ROBO2: variants seen among roughly 807,000 people sequenced by gnomAD.
ROBO2 encodes roundabout homolog 2.
Under a neutral mutation model 160.8 loss-of-function variants are expected in ROBO2, and 53 were observed. That is an observed-to-expected ratio of 0.33 (90% CI 0.26 to 0.41). ROBO2 has a LOEUF of 0.41. Among genes scored for constraint, ROBO2 ranks in the 10% least tolerant of loss-of-function variants. The pLI, the probability that ROBO2 is intolerant of heterozygous loss-of-function variation, is 1.00. For synonymous variants in ROBO2, 664 were observed against 611.7 expected, an observed-to-expected ratio of 1.09 and a Z score of -1.26; for missense variants, 1,577 against 1,722.4, an observed-to-expected ratio of 0.92 and a Z score of 1.49.
At chr3:76,197,192 C>T (rs974684222) in intron 2 of ROBO2, among the ~76,000 whole-genome samples, 1 of 145,610 alleles carries the variant, frequency 6.9e-6, no homozygotes, top group Admixed American at 6.8e-5. Context: ...GCTAATCGGT[C>T]TCTCTATAGA....
At chr3:77,000,689 A>G (rs539817591) in intron 2 of ROBO2, among the ~76,000 whole-genome samples, 69 of 152,302 alleles carry the variant, frequency 4.5e-4, no homozygotes, top group African/African-American at 1.6e-3. Context: ...CTTTGAATCT[A>G]GCAAGTACTT....
chr3:76,536,950 G>T (rs369248288), intron 2 of ROBO2, among the ~76,000 whole-genome samples: 5 of 152,196 alleles, frequency 3.3e-5, no homozygotes, highest in South Asian at 4.1e-4. Context: ...TTGGGCAGGT[G>T]GGGGAGAGCT....
chr3:76,426,747 A>G (rs1223111425), intron 2 of ROBO2, among the ~76,000 whole-genome samples: 1 of 152,106 alleles, frequency 6.6e-6, no homozygotes, highest in Non-Finnish European at 1.5e-5. Flanking sequence ...TAGATTTCAA[A>G]GAAAGGGAAA....
At chr3:76,357,520 A>G (rs1398718401) in intron 2 of ROBO2, among the ~76,000 whole-genome samples, 2 of 152,000 alleles carry the variant, frequency 1.3e-5, no homozygotes, top group African/African-American at 4.8e-5. Context: ...AATCTCAACA[A>G]TGAATTCCTT....
At chr3:77,206,063 G>A (rs941483299) in intron 2 of ROBO2, among the ~76,000 whole-genome samples, 10 of 151,932 alleles carry the variant, frequency 6.6e-5, no homozygotes, top group African/African-American at 2.2e-4. Context: ...TCCTTGGTTG[G>A]GCTGCGTAAC....
At chr3:76,576,120 C>T (rs1578260294) in intron 2 of ROBO2, among the ~76,000 whole-genome samples, 1 of 151,904 alleles carries the variant, frequency 6.6e-6, no homozygotes, top group Non-Finnish European at 1.5e-5. Flanking sequence ...CCATGTTTGG[C>T]ATATGTTTAA....
intron 2 of ROBO2, among the ~76,000 whole-genome samples, chr3:76,796,074 AT>A (rs1342098130): frequency 6.6e-6 from 1 of 152,140 alleles, no homozygotes; most frequent in Non-Finnish European, 1.5e-5. Flanking sequence ...AGTTTAAAAT[AT>A]TCAGTAAACC....
chr3:77,160,262 A>C (rs1579496252), intron 2 of ROBO2, among the ~76,000 whole-genome samples: 1 of 152,196 alleles, frequency 6.6e-6, no homozygotes, highest in East Asian at 1.9e-4. Flanking sequence ...AATACTTTAC[A>C]TATGGTAGCA....
At chr3:76,680,964 A>G (rs961645010) in intron 2 of ROBO2, among the ~76,000 whole-genome samples, 2 of 151,926 alleles carry the variant, frequency 1.3e-5, no homozygotes, top group African/African-American at 4.8e-5. Context: ...TTTAGTAGAG[A>G]CAGGGTTTCA....
intron 2 of ROBO2, among the ~76,000 whole-genome samples, chr3:76,493,796 C>T (rs2107558451): frequency 6.6e-6 from 1 of 152,226 alleles, no homozygotes. Flanking sequence ...AATGCATCTC[C>T]CCTTTCTTCT....
chr3:77,565,837 A>T (rs2093464442), intron 12 of ROBO2, among the ~76,000 whole-genome samples: 1 of 152,098 alleles, frequency 6.6e-6, no homozygotes, highest in Non-Finnish European at 1.5e-5. Context: ...AAAATGGAAG[A>T]TTTCATAATT....
chr3:77,188,115 G>A (rs2081445020), intron 2 of ROBO2, among the ~76,000 whole-genome samples: 1 of 146,470 alleles, frequency 6.8e-6, no homozygotes, highest in South Asian at 2.1e-4. Context: ...AATTATCTTT[G>A]ATATTATGTG....
chr3:76,996,282 G>C (rs934609496), intron 2 of ROBO2, among the ~76,000 whole-genome samples: 1 of 152,132 alleles, frequency 6.6e-6, no homozygotes, highest in South Asian at 2.1e-4. Flanking sequence ...CATTATTTCT[G>C]AGGGCTCTGT....
chr3:76,235,789 T>C (rs1056024279), intron 2 of ROBO2, among the ~76,000 whole-genome samples: 2 of 152,178 alleles, frequency 1.3e-5, no homozygotes, highest in Admixed American at 1.3e-4. Context: ...AATTGCATTG[T>C]GGGTTTTAAA....
intron 2 of ROBO2, among the ~76,000 whole-genome samples, chr3:76,788,382 T>G (rs529237790): frequency 6.6e-6 from 1 of 151,572 alleles, no homozygotes; most frequent in South Asian, 2.1e-4. Context: ...CTATAGTGTT[T>G]ATAGTTCTTT....
intron 2 of ROBO2, among the ~76,000 whole-genome samples, chr3:77,160,393 G>A (rs919637434): frequency 6.6e-6 from 1 of 152,218 alleles, no homozygotes; most frequent in African/African-American, 2.4e-5. Flanking sequence ...TGGTGATGAT[G>A]TATTTGTAGA....
chr3:77,526,219 A>G (rs1406352048), intron 6 of ROBO2, among the ~76,000 whole-genome samples: 1 of 151,496 alleles, frequency 6.6e-6, no homozygotes, highest in Non-Finnish European at 1.5e-5. Context: ...ATTGTGAATA[A>G]TATTATAAGA....
chr3:77,270,352 T>C (rs2059408630), intron 2 of ROBO2, among the ~76,000 whole-genome samples: 1 of 152,230 alleles, frequency 6.6e-6, no homozygotes, highest in African/African-American at 2.4e-5. Flanking sequence ...AAACTCTGTG[T>C]ATATACATTC....
At chr3:76,677,957 G>GTTTTTTTTTT (rs1337363967) in intron 2 of ROBO2, among the ~76,000 whole-genome samples, 2 of 46,088 alleles carry the variant, frequency 4.3e-5, no homozygotes, top group Admixed American at 2.3e-4. Context: ...AAGAAAATAT[G>GTTTTTTTTTT]CTTTTTTTTT....
Sources: allele counts gnomAD v4.1 joint callset (sites outside exome capture counted in the v4.1 genomes callset), GRCh38; gene constraint gnomAD v4.1.1; transcripts MANE v1.5; gene names NCBI Gene and HGNC (gene_info 2026-07-23, HGNC 2026-07-21).